Variants in CAPN8 observed in about 807,000 individuals in gnomAD.
CAPN8 encodes calpain 8.
Under a neutral mutation model 80.9 loss-of-function variants are expected in CAPN8, and 87 were observed. The ratio of observed to expected loss-of-function variants is 1.07; its 90% CI spans 0.90 to 1.28. The LOEUF (loss-of-function observed/expected upper bound fraction) is 1.28. CAPN8 is among the 50% of genes most tolerant of loss of function. CAPN8 has a pLI of 0.00. For synonymous variants in CAPN8, 299 were observed against 273.8 expected (o/e 1.09, Z -0.91); for missense variants, 757 against 702.0 (o/e 1.08, Z -0.89).
At chr1:223,609,603 T>C (rs1402394397) in intron 11 of CAPN8, among the ~76,000 whole-genome samples, 2 of 152,172 alleles carry the variant, frequency 1.3e-5, no homozygotes, top group Admixed American at 6.5e-5. Flanking sequence ...CCTTGACCTC[T>C]GGGCCTCCCC....
At chr1:223,609,431 G>A (rs926835570) in intron 11 of CAPN8, 67 bp from the exon 12 acceptor site, 4 of 398,234 alleles carry the variant, frequency 1.0e-5, no homozygotes, top group African/African-American at 8.2e-5. Flanking sequence ...CAAGAGTTCA[G>A]CTTTATTGTG....
chr1:223,649,334 G>A (rs138814461), intron 2 of CAPN8, among the ~76,000 whole-genome samples: 7 of 152,240 alleles, frequency 4.6e-5, no homozygotes, highest in African/African-American at 1.7e-4. Flanking sequence ...GGTAGAGTTA[G>A]CAGTTACTGC....
intron 7 of CAPN8, among the ~76,000 whole-genome samples, chr1:223,622,323 C>T (rs371553205): frequency 3.3e-5 from 5 of 152,302 alleles, no homozygotes; most frequent in East Asian, 1.9e-4. Flanking sequence ...AGTGATCAAA[C>T]GTGCCTAGGG....
At chr1:223,616,393 CGAG>C (rs1191465659) in intron 9 of CAPN8, among the ~76,000 whole-genome samples, 1 of 152,182 alleles carries the variant, frequency 6.6e-6, no homozygotes, top group Non-Finnish European at 1.5e-5. Flanking sequence ...ATTTGATCAA[CGAG>C]GAGCCCAGAA....
At chr1:223,643,883 T>C (rs1363047826) in intron 2 of CAPN8, among the ~76,000 whole-genome samples, 1 of 152,162 alleles carries the variant, frequency 6.6e-6, no homozygotes, top group Non-Finnish European at 1.5e-5. Context: ...ATCTAGTCTG[T>C]CCAGCGCGTA....
At chr1:223,637,035 G>C (rs1657910545) in intron 2 of CAPN8, among the ~76,000 whole-genome samples, 1 of 152,174 alleles carries the variant, frequency 6.6e-6, no homozygotes, top group Non-Finnish European at 1.5e-5. Flanking sequence ...GCCTCAAGTA[G>C]AGCCTCATCT....
intron 6 of CAPN8, among the ~76,000 whole-genome samples, chr1:223,624,404 C>A (rs1035234881): frequency 2.0e-5 from 3 of 152,132 alleles, no homozygotes; most frequent in Non-Finnish European, 4.4e-5. Context: ...CATGTCTGTT[C>A]TTTTAATGGT....
chr1:223,609,949 C>T (rs1347326580), intron 11 of CAPN8, among the ~76,000 whole-genome samples: 1 of 152,220 alleles, frequency 6.6e-6, no homozygotes, highest in African/African-American at 2.4e-5. Flanking sequence ...CCCCCAGCCT[C>T]CCCAGGGCCT....
chr1:223,619,382 C>T lies in CAPN8; in HGVS notation c.1046G>A (p.Ser349Asn), dbSNP rs1398982023. 6.4e-6 allele frequency: 10 copies of T among 1,551,554 alleles called. No individual in the cohort carries two copies. Among genetic ancestry groups the T allele is most frequent in the Middle Eastern group, 3.3e-4 (2 of 6,014 alleles). Residue 349 changes from serine (S) to asparagine (N), a missense_variant, in exon 9 of 21, where the codon AGT (serine) becomes AAT (asparagine). By Grantham distance (46) the Ser-to-Asn change is conservative. Coordinates refer to ENST00000366872, the MANE Select transcript of CAPN8 (RefSeq NM_001143962.2). ...EICNLSPDSL[S>N]SEEVHKWNLV... ...GTTCCATTTGTGCACCTCCTCGCTA[C>T]TCAGAGAGTCCGGGGACAGGTTGCA... is the stretch of plus-strand genomic sequence containing the variant.
intron 9 of CAPN8, chr1:223,618,095 C>A: frequency 3.7e-6 from 3 of 800,224 alleles, no homozygotes; most frequent in East Asian, 2.7e-5. Flanking sequence ...ACTGGCCCTG[C>A]CCCATGCGCT....
chr1:223,545,236 A>T lies in CAPN8; in HGVS notation c.1828T>A (p.Tyr610Asn). The change falls in exon 17 of 21, where the codon TAT becomes AAT. Residue 610 changes from tyrosine to asparagine, a missense_variant. Coordinates refer to ENST00000366872, the MANE Select transcript of CAPN8 (RefSeq NM_001143962.2). ...FKTLWLKIQK[Y>N]LEIYWETDYN... ...CAGAAGGAAAAGAGAGTTACCAGAT[A>T]CTTCTGAATCTTCAGCCAGAGCGTC... 1 of 1,551,670 alleles carries T rather than the reference A, an allele frequency of 6.4e-7. No individual in the cohort carries two copies. The highest frequency in any genetic ancestry group is 8.7e-7 in the Non-Finnish European group (1 of 1,146,964).
At chr1:223,655,007 C>T (rs1009167738) in intron 1 of CAPN8, among the ~76,000 whole-genome samples, 1 of 151,848 alleles carries the variant, frequency 6.6e-6, no homozygotes, top group African/African-American at 2.4e-5. Context: ...TGTTTTAATA[C>T]TATATGTGTG....
chr1:223,548,221 G>T (rs905296076), intron 16 of CAPN8, among the ~76,000 whole-genome samples: 3 of 147,274 alleles, frequency 2.0e-5, no homozygotes, highest in Non-Finnish European at 4.5e-5. Context: ...AACCCTCCAA[G>T]GCTCCAATTT....
chr1:223,665,622 A>T lies in CAPN8; in HGVS notation c.25T>A (p.Ser9Thr). The T allele has an allele frequency of 6.4e-7, 1 of 1,551,526 alleles. No homozygotes were observed. The highest frequency in any genetic ancestry group is 8.7e-7 in the Non-Finnish European group (1 of 1,146,976). Reference sequence around the variant, plus strand: ...CCTTGAGTGGCTGCCCGCTGCCTAGATACACCAGCTGCCTGGGCTGCCATG... The same window carrying T: ...CCTTGAGTGGCTGCCCGCTGCCTAGTTACACCAGCTGCCTGGGCTGCCATG... MAAQAAGV[S>T]RQRAATQGLG... is the part of the protein sequence containing the mutation. Residue 9 changes from serine (S) to threonine (T), a missense_variant, in exon 1 of 21, where the codon TCT (serine) becomes ACT (threonine). By Grantham distance (58) the Ser-to-Thr change is moderately conservative. Coordinates refer to ENST00000366872, the MANE Select transcript of CAPN8 (RefSeq NM_001143962.2).
rs184483542 is a variant in CAPN8 at position 223,633,519 on chromosome 1, A to G, written c.308-4739T>C. 1.3e-5 allele frequency among the ~76,000 whole-genome samples: 2 copies of G among 152,248 alleles called. 1 individual carries two copies. Among genetic ancestry groups the G allele is most frequent in the Admixed American group, 1.3e-4 (2 of 15,290 alleles). On this transcript the variant is annotated intron_variant, in intron 2 of 20. Coordinates refer to ENST00000366872, the MANE Select transcript of CAPN8 (RefSeq NM_001143962.2). ...TCTACCAAAAATGCAAAAATTAGCC[A>G]GGCGTGGTGGCAGGCACCTGTAGTA...
chr1:223,642,625 G>T (rs1658075352), intron 2 of CAPN8: 2 of 366,438 alleles, frequency 5.5e-6, no homozygotes, highest in Admixed American at 7.4e-5. Context: ...TCAAAACAGA[G>T]GAAAGAACAG....
intron 2 of CAPN8, among the ~76,000 whole-genome samples, chr1:223,632,532 C>G (rs1448060855): frequency 6.6e-6 from 1 of 152,006 alleles, no homozygotes; most frequent in Non-Finnish European, 1.5e-5. Flanking sequence ...GCCACCATGC[C>G]GAGCTATTTT....
chr1:223,637,860 T>C (rs1657944609), intron 2 of CAPN8, among the ~76,000 whole-genome samples: 1 of 152,192 alleles, frequency 6.6e-6, no homozygotes, highest in Non-Finnish European at 1.5e-5. Context: ...GCCTGCTGAG[T>C]GTCTGGCAGC....
At chr1:223,626,035 G>A (rs1057269406) in intron 5 of CAPN8, 147 bp from the exon 6 acceptor site, 2 of 615,644 alleles carry the variant, frequency 3.2e-6, no homozygotes, top group Non-Finnish European at 5.9e-6. Flanking sequence ...CTCAGGTAAA[G>A]AGTCATCTCC....
Sources: allele counts gnomAD v4.1 joint callset (sites outside exome capture counted in the v4.1 genomes callset), GRCh38; gene constraint gnomAD v4.1.1; transcripts MANE v1.5; gene names NCBI Gene and HGNC (gene_info 2026-07-23, HGNC 2026-07-21).